Variants in GABRR1 observed in about 807,000 individuals in gnomAD.
GABRR1 encodes gamma-aminobutyric acid type A receptor subunit rho1.
GABRR1 carries 59 observed loss-of-function variants against 55.5 expected under a neutral mutation model. The observed-to-expected ratio is 1.06, with a 90% confidence interval of 0.86 to 1.32. GABRR1 has a LOEUF of 1.32. Ranked by LOEUF, GABRR1 falls within the 40% of genes most tolerant of loss-of-function variation. GABRR1 has a pLI of 0.00. For synonymous variants in GABRR1, 213 were observed against 226.0 expected, an observed-to-expected ratio of 0.94 and a Z score of 0.51; for missense variants, 602 against 619.1, an observed-to-expected ratio of 0.97 and a Z score of 0.29.
chr6:89,199,270 T>G, intron 4 of GABRR1, 92 bp downstream of exon 4: 131 of 1,127,948 alleles, frequency 1.2e-4, no homozygotes, highest in Middle Eastern at 2.4e-4. Context: ...AGGGCAGTTG[T>G]GAGACTAAGT....
chr6:89,208,297 G>A (rs1327582062), intron 1 of GABRR1, among the ~76,000 whole-genome samples: 1 of 152,178 alleles, frequency 6.6e-6, no homozygotes, highest in Non-Finnish European at 1.5e-5. Flanking sequence ...TGAGCATTTT[G>A]TATTTTTCCT....
chr6:89,184,100 C>T lies in GABRR1; in HGVS notation c.796+1210G>A, dbSNP rs530889141. ...ACTAAAAATACAAAAATTAGCCAGC[C>T]GTGGTGGTGGGTGCCTGTAATCCCA... On this transcript the variant is annotated intron_variant, in intron 7 of 9. Coordinates refer to ENST00000454853, the MANE Select transcript of GABRR1 (RefSeq NM_002042.5). 1.5e-3 allele frequency among the ~76,000 whole-genome samples: 233 copies of T among 152,048 alleles called. 2 individuals are homozygous for T. The highest frequency in any genetic ancestry group is 5.2e-3 in the African/African-American group (216 of 41,482).
At chr6:89,202,690 T>C (rs145499298) in intron 2 of GABRR1, among the ~76,000 whole-genome samples, 43 of 152,132 alleles carry the variant, frequency 2.8e-4, no homozygotes, top group African/African-American at 9.9e-4. Context: ...CTTTATTTTA[T>C]ATTTTTTATT....
At chr6:89,200,662 G>C (rs1772440498) in intron 3 of GABRR1, among the ~76,000 whole-genome samples, 1 of 152,036 alleles carries the variant, frequency 6.6e-6, no homozygotes, top group Non-Finnish European at 1.5e-5. Context: ...GTAGCTGCAG[G>C]CTAAGCTTCA....
At chr6:89,218,862 T>C (rs2127810242), upstream of GABRR1, among the ~76,000 whole-genome samples, 1 of 152,298 alleles carries the variant, frequency 6.6e-6, no homozygotes, top group South Asian at 2.1e-4. Context: ...TACTTGGAGG[T>C]ATTTTTCTGA....
At chr6:89,224,460 C>G (rs1009319669) in intron 1 of GABRR1, among the ~76,000 whole-genome samples, 3 of 152,128 alleles carry the variant, frequency 2.0e-5, no homozygotes, top group African/African-American at 4.8e-5. Flanking sequence ...TGTTTGTTGG[C>G]CATTTGTATG....
At chr6:89,230,947 G>T (rs1773277373) in intron 1 of GABRR1, among the ~76,000 whole-genome samples, 1 of 151,752 alleles carries the variant, frequency 6.6e-6, no homozygotes, top group South Asian at 2.1e-4. Context: ...CGAGCCAGGT[G>T]TGGGATATAG....
intron 7 of GABRR1, among the ~76,000 whole-genome samples, chr6:89,184,417 C>T (rs996099516): frequency 1.3e-5 from 1 of 75,172 alleles, no homozygotes; most frequent in African/African-American, 4.7e-5. Flanking sequence ...AGCATGCCCC[C>T]GCAGGCAACA....
chr6:89,229,518 A>G (rs1418713933), intron 1 of GABRR1, among the ~76,000 whole-genome samples: 12 of 148,730 alleles, frequency 8.1e-5, no homozygotes, highest in Non-Finnish European at 1.6e-4. Context: ...TCCTTCACTT[A>G]TGAAGCTTAG....
chr6:89,214,603 C>A (rs185131490), intron 1 of GABRR1, among the ~76,000 whole-genome samples: 31 of 152,248 alleles, frequency 2.0e-4, no homozygotes, highest in African/African-American at 7.2e-4. Context: ...CTTGAACAGA[C>A]ATTTTTCAAA....
chr6:89,217,451 C>T, upstream of GABRR1: 7 of 1,068,392 alleles, frequency 6.6e-6, no homozygotes, highest in Non-Finnish European at 6.6e-6. Flanking sequence ...AAAAAATCAA[C>T]CCACAGGATG....
At chr6:89,181,615 G>C (rs1307665297) in intron 8 of GABRR1, among the ~76,000 whole-genome samples, 2 of 152,106 alleles carry the variant, frequency 1.3e-5, no homozygotes, top group Non-Finnish European at 2.9e-5. Context: ...TCATTTTGCA[G>C]GTGAGCAAAG....
upstream of GABRR1, among the ~76,000 whole-genome samples, chr6:89,219,211 A>G (rs1173233288): frequency 2.6e-5 from 4 of 152,190 alleles, no homozygotes; most frequent in African/African-American, 9.6e-5. Flanking sequence ...AGTTGTAGTG[A>G]GCCGAGATCG....
intron 7 of GABRR1, among the ~76,000 whole-genome samples, chr6:89,184,801 G>A (rs833246): frequency 0.3 from 44,891 of 151,276 alleles, 6,842 homozygotes; most frequent in Middle Eastern, 0.34. Flanking sequence ...TGACGCATTG[G>A]TAATATCAAA....
intron 1 of GABRR1, among the ~76,000 whole-genome samples, chr6:89,223,125 C>T (rs1237644395): frequency 1.3e-5 from 2 of 151,686 alleles, no homozygotes; most frequent in East Asian, 1.9e-4. Flanking sequence ...AGTGGTAATT[C>T]GTGGGATTTC....
exon 1 of GABRR1, chr6:89,231,241 G>A (rs1388652692): frequency 6.5e-6 from 1 of 154,782 alleles, no homozygotes; most frequent in Non-Finnish European, 1.4e-5. Context: ...CTCACGCTGG[G>A]AGCTGTAGAC....
At chr6:89,214,801 G>A (rs1278320734) in intron 1 of GABRR1, among the ~76,000 whole-genome samples, 1 of 152,106 alleles carries the variant, frequency 6.6e-6, no homozygotes, top group South Asian at 2.1e-4. Flanking sequence ...AAGGTGGGAG[G>A]ATCACTTGAA....
chr6:89,199,750 A>G (rs891936703), intron 3 of GABRR1, among the ~76,000 whole-genome samples: 1 of 152,078 alleles, frequency 6.6e-6, no homozygotes, highest in Non-Finnish European at 1.5e-5. Context: ...ATTATTCTCT[A>G]TATTTGCCTT....
intron 3 of GABRR1, 46 bp downstream of exon 3, chr6:89,201,113 A>C (rs772518126): frequency 7.1e-7 from 1 of 1,414,422 alleles, no homozygotes; most frequent in East Asian, 2.3e-5. Context: ...GCCCACAGAC[A>C]GAGGACCAGA....
Sources: allele counts gnomAD v4.1 joint callset (sites outside exome capture counted in the v4.1 genomes callset), GRCh38; gene constraint gnomAD v4.1.1; transcripts MANE v1.5; gene names NCBI Gene and HGNC (gene_info 2026-07-23, HGNC 2026-07-21).